The following ADGRB3 variants were observed in gnomAD, a reference collection of about 807,000 sequenced individuals.
ADGRB3 encodes the protein adhesion G protein-coupled receptor B3.
A neutral mutation model predicts 193.4 loss-of-function variants in ADGRB3; 37 were observed. The observed-to-expected ratio is 0.19, with a 90% confidence interval of 0.15 to 0.25. ADGRB3 has a LOEUF of 0.25. Ranked by LOEUF, ADGRB3 falls within the 10% of genes least tolerant of loss-of-function variation. The pLI, the probability that ADGRB3 is intolerant of heterozygous loss-of-function variation, is 1.00. For missense variants in ADGRB3, 1,637 were observed against 1,852.9 expected, an observed-to-expected ratio of 0.88 and a Z score of 2.14; for synonymous variants, 690 against 644.2, an observed-to-expected ratio of 1.07 and a Z score of -1.08.
intron 17 of ADGRB3, chr6:69,232,309 C>A: frequency 2.4e-6 from 2 of 835,626 alleles, no homozygotes; most frequent in Non-Finnish European, 1.7e-6. Context: ...TAGTGTAGTT[C>A]TGCTGGGGGT....
chr6:69,160,615 AAT>A (rs1774958154), intron 17 of ADGRB3, among the ~76,000 whole-genome samples: 2 of 151,996 alleles, frequency 1.3e-5, no homozygotes, highest in South Asian at 4.1e-4. Context: ...CGTATTTTTC[AAT>A]TATTTCTTTT....
chr6:69,035,211 C>T (rs1214670554), intron 13 of ADGRB3, among the ~76,000 whole-genome samples: 5 of 152,020 alleles, frequency 3.3e-5, no homozygotes, highest in African/African-American at 7.2e-5. Context: ...TGAGGTAATT[C>T]GCTGGTATGA....
chr6:69,120,621 G>A (rs1287611625), intron 17 of ADGRB3, among the ~76,000 whole-genome samples: 1 of 152,214 alleles, frequency 6.6e-6, no homozygotes, highest in African/African-American at 2.4e-5. Context: ...ATAGCCTTGT[G>A]CAAATTAAGC....
chr6:69,234,160 A>T (rs1198279391), intron 18 of ADGRB3, among the ~76,000 whole-genome samples: 5 of 152,190 alleles, frequency 3.3e-5, no homozygotes, highest in African/African-American at 1.2e-4. Context: ...ACAAAAAACT[A>T]ATACAATTTG....
intron 17 of ADGRB3, among the ~76,000 whole-genome samples, chr6:69,185,644 T>G (rs1765050218): frequency 6.6e-6 from 1 of 152,166 alleles, no homozygotes; most frequent in Non-Finnish European, 1.5e-5. Context: ...CACATTGATC[T>G]TATTTCACCA....
At chr6:68,832,715 A>C (rs138757440) in intron 3 of ADGRB3, among the ~76,000 whole-genome samples, 1 of 152,150 alleles carries the variant, frequency 6.6e-6, no homozygotes, top group Non-Finnish European at 1.5e-5. Context: ...CATGGCCACA[A>C]ATTCACTCTC....
At chr6:69,052,966 A>G (rs1248249505) in intron 15 of ADGRB3, among the ~76,000 whole-genome samples, 1 of 152,200 alleles carries the variant, frequency 6.6e-6, no homozygotes, top group African/African-American at 2.4e-5. Flanking sequence ...CGGGTGGATG[A>G]CTTGAGGTCA....
chr6:68,948,893 A>G (rs1767842915), intron 6 of ADGRB3, among the ~76,000 whole-genome samples: 1 of 152,126 alleles, frequency 6.6e-6, no homozygotes, highest in South Asian at 2.1e-4. Flanking sequence ...GTGGTGTGTT[A>G]TTCAGAAGAT....
At chr6:68,751,963 T>G (rs1475156113) in intron 3 of ADGRB3, among the ~76,000 whole-genome samples, 1 of 152,216 alleles carries the variant, frequency 6.6e-6, no homozygotes, top group Non-Finnish European at 1.5e-5. Flanking sequence ...CCTTTAATTT[T>G]GTATCAATTC....
At chr6:68,902,719 T>C (rs1410879583) in intron 3 of ADGRB3, among the ~76,000 whole-genome samples, 1 of 152,080 alleles carries the variant, frequency 6.6e-6, no homozygotes, top group East Asian at 1.9e-4. Flanking sequence ...ATCATGTGAT[T>C]CTGTTTGCAT....
chr6:69,168,060 C>T (rs537741788), intron 17 of ADGRB3, among the ~76,000 whole-genome samples: 8 of 152,256 alleles, frequency 5.3e-5, no homozygotes, highest in South Asian at 2.1e-4. Context: ...GGATGCAGAA[C>T]GGAGACTCTT....
intron 24 of ADGRB3, among the ~76,000 whole-genome samples, chr6:69,335,758 A>G (rs12529585): frequency 0.034 from 5,172 of 152,144 alleles, 286 homozygotes; most frequent in African/African-American, 0.11. Context: ...TAATTGTAAA[A>G]ATCATTTCAG....
At chr6:68,844,565 A>G (rs1469389168) in intron 3 of ADGRB3, among the ~76,000 whole-genome samples, 2 of 152,210 alleles carry the variant, frequency 1.3e-5, no homozygotes, top group Non-Finnish European at 2.9e-5. Context: ...TAGTATGATC[A>G]CTATGGAGAG....
chr6:68,916,015 CAG>C lies in ADGRB3; in HGVS notation c.758-14542_758-14541del, dbSNP rs1241954739. Among the ~76,000 whole-genome samples the C allele has an allele frequency of 4.8e-4, 73 of 151,376 alleles. 2 individuals carry two copies. The highest frequency in any genetic ancestry group is 4.7e-3 in the Admixed American group (71 of 15,202). On this transcript the variant is annotated intron_variant, in intron 3 of 31. Coordinates refer to ENST00000370598, the MANE Select transcript of ADGRB3 (RefSeq NM_001704.3). ...AAGAAAAATAAATTAAAGAAGGAAA[CAG>C]AAAAATATGCAGAAGAAGCAGCAGA...
At chr6:69,335,132 A>T (rs1022791580) in intron 24 of ADGRB3, among the ~76,000 whole-genome samples, 203 of 151,634 alleles carry the variant, frequency 1.3e-3, no homozygotes, top group African/African-American at 4.6e-3. Context: ...GATTTAATTA[A>T]AAAAAAATTT....
intron 20 of ADGRB3, among the ~76,000 whole-genome samples, chr6:69,294,025 T>C (rs934319371): frequency 6.6e-6 from 1 of 152,140 alleles, no homozygotes; most frequent in African/African-American, 2.4e-5. Flanking sequence ...CTTCCTCCTA[T>C]TGCTAATCTC....
chr6:69,158,883 A>T (rs1003463092), intron 17 of ADGRB3, among the ~76,000 whole-genome samples: 4 of 152,056 alleles, frequency 2.6e-5, no homozygotes, highest in Non-Finnish European at 5.9e-5. Flanking sequence ...ACAATTTTTC[A>T]ATCTTATTGA....
intron 3 of ADGRB3, among the ~76,000 whole-genome samples, chr6:68,885,066 G>A (rs1765869871): frequency 6.6e-6 from 1 of 152,128 alleles, no homozygotes; most frequent in African/African-American, 2.4e-5. Context: ...TAAGCAAAGT[G>A]TATGAAATTG....
chr6:68,812,155 A>T (rs1767524279), intron 3 of ADGRB3, among the ~76,000 whole-genome samples: 1 of 152,210 alleles, frequency 6.6e-6, no homozygotes, highest in Non-Finnish European at 1.5e-5. Context: ...TGAGTAGATT[A>T]ACCTGATTAC....
Sources: gnomAD v4.1 joint callset for allele counts (sites outside exome capture counted in the v4.1 genomes callset) on GRCh38, gnomAD v4.1.1 for gene constraint, MANE v1.5 for transcripts, NCBI Gene and HGNC (gene_info 2026-07-23, HGNC 2026-07-21) for gene names.